PCDH20: variants seen among roughly 807,000 people sequenced by gnomAD.
PCDH20 encodes protocadherin-20.
In PCDH20, 18 loss-of-function variants were observed where a neutral mutation model predicts 39.7. The ratio of observed to expected loss-of-function variants is 0.45; its 90% CI spans 0.31 to 0.67. PCDH20 has a LOEUF of 0.67. PCDH20 is among the 30% of genes least tolerant of loss of function. The pLI, the probability that PCDH20 is intolerant of heterozygous loss-of-function variation, is 0.05. For synonymous variants in PCDH20, 495 were observed against 455.4 expected, an observed-to-expected ratio of 1.09 and a Z score of -1.11; for missense variants, 1,161 against 1,167.4, an observed-to-expected ratio of 0.99 and a Z score of 0.08.
exon 2 of PCDH20, chr13:61,410,328 A>G (rs938344190): frequency 5.3e-5 from 8 of 152,178 alleles, no homozygotes; most frequent in African/African-American, 1.9e-4. Flanking sequence ...TTTCAAGCCT[A>G]TAAAAGTCTA....
At chr13:61,414,080 A>G in intron 1 of PCDH20, 114 bp from the exon 2 acceptor site, 2 of 936,750 alleles carry the variant, frequency 2.1e-6, no homozygotes, top group African/African-American at 1.7e-5. Flanking sequence ...CCAGAAGCAA[A>G]ACCTCTAATT....
rs1193786105 is a variant in PCDH20 at position 61,415,135 on chromosome 13, GCGCGCATTCCCTCGGC to G, written c.8_23del (p.Gly3AlafsTer8). 4.0e-6 allele frequency: 6 copies of G among 1,491,080 alleles called. No individual in the cohort carries two copies. The highest frequency in any genetic ancestry group is 2.2e-5 in the Admixed American group (1 of 46,140). The allele number at this position is 1,491,080 out of a possible 1,614,324, so 92.4% of individuals were successfully genotyped here. ...AGCTCACTCCCAGGGCCTGTGAGCT[GCGCGCATTCCCTCGGC>G]CGCGCATTCCCTGGGAGGCTGCAGT... On this transcript the variant is annotated frameshift_variant, in exon 1 of 2. Transcript: ENST00000409204. LOFTEE classifies it high-confidence loss of function.
chr13:61,415,103 G>A, exon 1 of PCDH20: 5 of 1,557,620 alleles, frequency 3.2e-6, no homozygotes, highest in Admixed American at 3.7e-5. Context: ...CCAGGTCGCC[G>A]GGCACCAGCT....
intron 1 of PCDH20, 38 bp from the exon 2 acceptor site, chr13:61,414,004 C>A (rs1871481344): frequency 1.9e-6 from 3 of 1,539,966 alleles, no homozygotes; most frequent in African/African-American, 1.4e-5. Context: ...ATTACACACA[C>A]GGGGAAATAG....
chr13:61,414,064 C>A, intron 1 of PCDH20, 98 bp from the exon 2 acceptor site: 1 of 1,136,522 alleles, frequency 8.8e-7, no homozygotes. Context: ...GTCCCCATCC[C>A]CGTTCCCAGA....
chr13:61,415,082 AG>A lies in PCDH20; in HGVS notation c.76del (p.Leu26TrpfsTer47), dbSNP rs756763412. 13 of 1,574,962 alleles carry A rather than the reference AG, an allele frequency of 8.3e-6. No individual in the cohort carries two copies. The Admixed American group carries it at 2.0e-4, about 24-fold the overall frequency. On this transcript the variant is annotated frameshift_variant, in exon 1 of 2. Coordinates refer to ENST00000409204, the Ensembl canonical transcript of PCDH20. LOFTEE classifies it high-confidence loss of function. ...GGGACGATGTAGACGCCCCATATCCAGGCGCGGGTGCCAGGTCGCCGGGCAC... is the reference window on the plus strand; with the variant it reads ...GGGACGATGTAGACGCCCCATATCCAGCGCGGGTGCCAGGTCGCCGGGCAC...
At chr13:61,413,349 C>T in exon 2 of PCDH20, 1 of 1,614,078 alleles carries the variant, frequency 6.2e-7, no homozygotes, top group Non-Finnish European at 8.5e-7. Flanking sequence ...CATGGTAGTC[C>T]AGTAAGCGAT....
exon 2 of PCDH20, chr13:61,413,758 T>C (rs1173573711): frequency 6.2e-7 from 1 of 1,612,870 alleles, no homozygotes; most frequent in African/African-American, 1.3e-5. Flanking sequence ...GAGAGGGGGG[T>C]TCCACTCAGC....
exon 2 of PCDH20, chr13:61,413,865 C>G (rs1593785341): frequency 6.2e-7 from 1 of 1,613,288 alleles, no homozygotes; most frequent in African/African-American, 1.3e-5. Flanking sequence ...TGAGCACCCC[C>G]GCGGGTAGTC....
intron 1 of PCDH20, among the ~76,000 whole-genome samples, chr13:61,414,484 C>CAAT (rs757150691): frequency 2.5e-4 from 38 of 151,934 alleles, no homozygotes; most frequent in African/African-American, 5.8e-4. Flanking sequence ...ACCACAATCG[C>CAAT]AATAATAATA....
chr13:61,412,782 A>T, exon 2 of PCDH20: 1 of 1,614,094 alleles, frequency 6.2e-7, no homozygotes, highest in Non-Finnish European at 8.5e-7. Context: ...CTTTCAGATA[A>T]ACCACACCAT....
At chr13:61,411,324 A>T (rs1878240524) in exon 2 of PCDH20, 1 of 1,613,894 alleles carries the variant, frequency 6.2e-7, no homozygotes, top group Non-Finnish European at 8.5e-7. Context: ...GTACTTCCAA[A>T]TTTTCATCTT....
At chr13:61,414,319 G>A (rs1270560408) in intron 1 of PCDH20, among the ~76,000 whole-genome samples, 3 of 152,036 alleles carry the variant, frequency 2.0e-5, no homozygotes, top group African/African-American at 7.2e-5. Context: ...TGCGCAAAGC[G>A]ACACGGAAAC....
rs561712771 is a variant in PCDH20, at chr13:61,412,467, G to A, written c.1632C>T (p.Ile544=). Residue 544 remains isoleucine, a synonymous_variant, in exon 2 of 2, where the codon ATC becomes ATT. Coordinates refer to ENST00000409204, the Ensembl canonical transcript of PCDH20. ...AGGCATTGGGTGAGTTGTTCTCTTC[G>A]ATGGTTAGTTCTATTAAGGGTTGAA... 51 of 1,614,102 alleles carry A rather than the reference G, an allele frequency of 3.2e-5. No homozygotes were observed. In the South Asian group the frequency reaches 4.0e-4, roughly 13 times the overall value.
At chr13:61,412,849 A>G (rs764439993) in exon 2 of PCDH20, 13 of 1,614,046 alleles carry the variant, frequency 8.1e-6, no homozygotes, top group Admixed American at 6.7e-5. Context: ...AATAACTTTA[A>G]TAATGGACAC....
chr13:61,412,489 T>G, exon 2 of PCDH20: 1 of 1,614,194 alleles, frequency 6.2e-7, no homozygotes, highest in South Asian at 1.1e-5. Flanking sequence ...TATTAAGGGT[T>G]GAAGGAAAAT....
At chr13:61,412,581 A>C (rs780253365) in exon 2 of PCDH20, 34 of 1,614,026 alleles carry the variant, frequency 2.1e-5, no homozygotes, top group Non-Finnish European at 2.7e-5. Flanking sequence ...AAGCCACCAC[A>C]GCTACTTCAT....
At chr13:61,411,216 TTC>T in exon 2 of PCDH20, 2 of 1,562,832 alleles carry the variant, frequency 1.3e-6, no homozygotes, top group Non-Finnish European at 1.7e-6. Flanking sequence ...GTTAAAACAT[TTC>T]TCTGTGTTAT....
At chr13:61,415,343 G>A (rs1871525406) in exon 1 of PCDH20, 2 of 637,294 alleles carry the variant, frequency 3.1e-6, no homozygotes, top group South Asian at 5.2e-5. Flanking sequence ...TTCCTGCCCC[G>A]GACGCAGGTA....
Sources: allele counts gnomAD v4.1 joint callset (sites outside exome capture counted in the v4.1 genomes callset), GRCh38; gene constraint gnomAD v4.1.1; transcripts MANE v1.5; gene names NCBI Gene and HGNC (gene_info 2026-07-23, HGNC 2026-07-21).